TOX: variants seen among roughly 807,000 people sequenced by gnomAD.
TOX encodes thymocyte selection-associated high mobility group box protein TOX.
A neutral mutation model predicts 53.7 loss-of-function variants in TOX; 11 were observed. The ratio of observed to expected loss-of-function variants is 0.20; its 90% confidence interval spans 0.13 to 0.34. TOX has a LOEUF of 0.34. Ranked by LOEUF, TOX falls within the 10% of genes least tolerant of loss-of-function variation. The probability of loss-of-function intolerance (pLI) is 1.00; values close to 1 mark genes in which losing one functional copy is unlikely to be tolerated. For synonymous variants in TOX, 225 were observed against 245.3 expected (o/e 0.92, Z 0.77); for missense variants, 570 against 664.6 (o/e 0.86, Z 1.56).
chr8:58,818,747 T>C (rs1009357017), intron 6 of TOX, among the ~76,000 whole-genome samples: 7 of 152,152 alleles, frequency 4.6e-5, no homozygotes, highest in African/African-American at 1.4e-4. Flanking sequence ...GAGTATTAGA[T>C]TGACCTTCCT....
At chr8:59,045,328 C>A (rs1803663685) in intron 1 of TOX, among the ~76,000 whole-genome samples, 1 of 152,084 alleles carries the variant, frequency 6.6e-6, no homozygotes, top group Non-Finnish European at 1.5e-5. Flanking sequence ...CACATCTGTT[C>A]TTTTCTATGT....
At chr8:58,874,029 A>T (rs1811244136) in intron 3 of TOX, among the ~76,000 whole-genome samples, 1 of 128,994 alleles carries the variant, frequency 7.8e-6, no homozygotes, top group African/African-American at 3.2e-5. Context: ...GCCAAGCATG[A>T]CAAGGAGCTG....
chr8:58,883,191 C>G (rs1585878593), intron 3 of TOX, among the ~76,000 whole-genome samples: 3 of 152,274 alleles, frequency 2.0e-5, no homozygotes, highest in African/African-American at 7.2e-5. Context: ...CATCTGAAGT[C>G]CCCACATTCT....
intron 3 of TOX, among the ~76,000 whole-genome samples, chr8:58,862,246 T>C (rs1811023343): frequency 6.6e-6 from 1 of 152,188 alleles, no homozygotes; most frequent in Non-Finnish European, 1.5e-5. Context: ...TGTCTGACTC[T>C]GTAAGTGACC....
chr8:58,947,169 A>G (rs1286305471), intron 2 of TOX, among the ~76,000 whole-genome samples: 2 of 152,108 alleles, frequency 1.3e-5, no homozygotes, highest in Admixed American at 6.6e-5. Context: ...ATTCTTCTCT[A>G]AAAACATTTA....
At chr8:58,870,116 G>A (rs756085645) in intron 3 of TOX, among the ~76,000 whole-genome samples, 2 of 151,912 alleles carry the variant, frequency 1.3e-5, no homozygotes, top group African/African-American at 2.4e-5. Context: ...TGAACAGATC[G>A]GAAAGGAAGA....
At chr8:59,045,037 T>C (rs75154726) in intron 1 of TOX, among the ~76,000 whole-genome samples, 3,336 of 152,352 alleles carry the variant, frequency 0.022, 88 homozygotes, top group South Asian at 0.089. Flanking sequence ...ACACTCACCT[T>C]GTACAGAATT....
At chr8:58,920,862 T>C (rs1239073367) in intron 3 of TOX, among the ~76,000 whole-genome samples, 3 of 151,354 alleles carry the variant, frequency 2.0e-5, no homozygotes, top group Non-Finnish European at 4.4e-5. Flanking sequence ...GAGCTCAATA[T>C]ATACTTGTTA....
rs1177939345 is a variant in TOX at position 58,851,461 on chromosome 8, C to A, written c.693+63G>T. On this transcript the variant is annotated intron_variant, in intron 4 of 8. Coordinates refer to ENST00000361421, the MANE Select transcript of TOX (RefSeq NM_014729.3). This position sits in a 1 kb window ranked among gnomAD's most constrained non-coding sequence, Gnocchi z 4.4. Reference sequence around the variant, plus strand: ...ATGGATGATATAAACTTGTACCCAGCACAGGTCAAAGAAGGTGCCTAAGAA... The same window carrying A: ...ATGGATGATATAAACTTGTACCCAGAACAGGTCAAAGAAGGTGCCTAAGAA... The A allele has an allele frequency of 1.0e-5, 16 of 1,566,606 alleles. No individual in the cohort carries two copies. The highest frequency in any genetic ancestry group is 1.2e-5 in the Non-Finnish European group (14 of 1,147,648).
At chr8:58,891,933 C>T (rs553420293) in intron 3 of TOX, among the ~76,000 whole-genome samples, 2 of 152,242 alleles carry the variant, frequency 1.3e-5, no homozygotes, top group Admixed American at 6.5e-5. Flanking sequence ...ACATTTTGGT[C>T]AGCTACTCGC....
chr8:59,096,924 C>T (rs967042250), intron 1 of TOX, among the ~76,000 whole-genome samples: 1 of 152,162 alleles, frequency 6.6e-6, no homozygotes, highest in African/African-American at 2.4e-5. Context: ...TCTCTTGGGG[C>T]CTAGGGTGTC....
intron 4 of TOX, among the ~76,000 whole-genome samples, chr8:58,840,012 T>C (rs1810617286): frequency 6.6e-6 from 1 of 152,210 alleles, no homozygotes; most frequent in African/African-American, 2.4e-5. Flanking sequence ...TATTTATATA[T>C]GTGTAGAAGT....
intron 1 of TOX, among the ~76,000 whole-genome samples, chr8:59,104,924 T>C (rs147365314): frequency 1.8e-4 from 28 of 152,278 alleles, no homozygotes; most frequent in African/African-American, 6.0e-4. Flanking sequence ...TCCATGATAG[T>C]TATCTGTATT....
rs1360630973 is a variant in TOX, at chr8:59,092,264, T to A, written c.102+26622A>T. On this transcript the variant is annotated intron_variant, in intron 1 of 8. Coordinates refer to ENST00000361421, the MANE Select transcript of TOX (RefSeq NM_014729.3). Reference sequence around the variant, plus strand: ...AAGACTCCATCTCATATATATATATTTTATATATATATATATATTATATAT... The same window carrying A: ...AAGACTCCATCTCATATATATATATATTATATATATATATATATTATATAT... Among the ~76,000 whole-genome samples, 118 of 51,846 alleles carry A rather than the reference T, an allele frequency of 2.3e-3. 9 individuals are homozygous for A. The highest frequency in any genetic ancestry group is 0.02 in the African/African-American group (108 of 5,290). The allele number at this position is 51,846 out of a possible 152,430, so 34.0% of individuals were successfully genotyped here.
At chr8:59,059,890 C>A (rs1485370306) in intron 1 of TOX, among the ~76,000 whole-genome samples, 2 of 146,108 alleles carry the variant, frequency 1.4e-5, no homozygotes, top group African/African-American at 2.5e-5. Context: ...TTGTTTCCAC[C>A]TTTTATGTTA....
At chr8:58,902,518 T>C (rs1811749588) in intron 3 of TOX, among the ~76,000 whole-genome samples, 1 of 152,146 alleles carries the variant, frequency 6.6e-6, no homozygotes, top group South Asian at 2.1e-4. Context: ...CAGAAAATAA[T>C]GTCAAACCTG....
chr8:58,990,228 AAG>A (rs886789477), intron 1 of TOX, among the ~76,000 whole-genome samples: 14 of 152,158 alleles, frequency 9.2e-5, no homozygotes, highest in African/African-American at 3.4e-4. Flanking sequence ...ATAGCAAGGT[AAG>A]GAGCTGGGAT....
At position 59,118,737 on chromosome 8, in the gene TOX, C is replaced by T; in HGVS notation, c.102+149G>A. 1 of 446,422 alleles carries T rather than the reference C, an allele frequency of 2.2e-6. No individual in the cohort carries two copies. Among genetic ancestry groups the T allele is most frequent in the Non-Finnish European group, 3.8e-6 (1 of 260,376 alleles). 27.7% of individuals were successfully genotyped at this position (446,422 alleles called of 1,614,324 possible). ...GGAGCTACTCCACAATATTTACTACCCAAGCGCACGCAGGCTGCAGCGGGC... is the reference window on the plus strand; with the variant it reads ...GGAGCTACTCCACAATATTTACTACTCAAGCGCACGCAGGCTGCAGCGGGC... On this transcript the variant is annotated intron_variant, in intron 1 of 8. Transcript: ENST00000361421. The surrounding 1 kb of genome is among the most constrained non-coding windows in gnomAD (Gnocchi z 4.1).
At chr8:59,040,669 G>A (rs1803565885) in intron 1 of TOX, among the ~76,000 whole-genome samples, 1 of 152,230 alleles carries the variant, frequency 6.6e-6, no homozygotes, top group Non-Finnish European at 1.5e-5. Flanking sequence ...GCACTGCTGA[G>A]TCACCAGGGC....
Sources: gnomAD v4.1 joint callset for allele counts (sites outside exome capture counted in the v4.1 genomes callset) on GRCh38, gnomAD v4.1.1 for gene constraint, Gnocchi (gnomAD v3.1) non-coding constraint, MANE v1.5 for transcripts, NCBI Gene and HGNC (gene_info 2026-07-23, HGNC 2026-07-21) for gene names.